The following PRKG1 variants were observed in gnomAD, a reference collection of about 807,000 sequenced individuals.
PRKG1 encodes protein kinase cGMP-dependent 1.
Under a neutral mutation model 88.1 loss-of-function variants are expected in PRKG1, and 35 were observed. That is an observed-to-expected ratio of 0.40 (90% CI 0.30 to 0.53). The LOEUF is 0.53. Ranked by LOEUF, PRKG1 falls within the 20% of genes least tolerant of loss-of-function variation. The pLI, the probability that PRKG1 is intolerant of heterozygous loss-of-function variation, is 0.59. For missense variants in PRKG1, 540 were observed against 839.8 expected, an observed-to-expected ratio of 0.64 and a Z score of 4.41; for synonymous variants, 303 against 292.5, an observed-to-expected ratio of 1.04 and a Z score of -0.37.
chr10:52,087,310 T>A (rs974133644), intron 7 of PRKG1, among the ~76,000 whole-genome samples: 6 of 152,202 alleles, frequency 3.9e-5, no homozygotes, highest in African/African-American at 1.4e-4. Context: ...AATTTAAAAA[T>A]ATATTTTGTT....
chr10:51,785,717 T>A (rs537447398), intron 3 of PRKG1, among the ~76,000 whole-genome samples: 142 of 152,220 alleles, frequency 9.3e-4, no homozygotes, highest in Non-Finnish European at 1.4e-3. Context: ...CATGATGCCA[T>A]GCTCAATACA....
chr10:51,747,542 T>G (rs1589254314), intron 3 of PRKG1, among the ~76,000 whole-genome samples: 1 of 152,198 alleles, frequency 6.6e-6, no homozygotes, highest in East Asian at 1.9e-4. Flanking sequence ...TTTGATTGTG[T>G]AGGTCTTCTA....
chr10:51,074,502 G>A lies in PRKG1; in HGVS notation c.-89G>A. 4 of 1,498,164 alleles carry A rather than the reference G, an allele frequency of 2.7e-6. No homozygotes were observed. The highest frequency in any genetic ancestry group is 1.4e-5 in the South Asian group (1 of 73,238). The allele number at this position is 1,498,164 out of a possible 1,614,324, so 92.8% of individuals were successfully genotyped here. ...AAGCTTTGGCACTCGGGAGGCAGCG[G>A]CGACTTTGGGGAAAGTTGATCGGAG... On this transcript the variant is annotated 5_prime_UTR_variant, in exon 1 of 18. Coordinates refer to ENST00000373980, the MANE Select transcript of PRKG1 (RefSeq NM_006258.4).
chr10:51,987,115 GA>G (rs1415941100), intron 5 of PRKG1, among the ~76,000 whole-genome samples: 1 of 152,034 alleles, frequency 6.6e-6, no homozygotes, highest in Admixed American at 6.6e-5. Flanking sequence ...TGTCCTATTT[GA>G]AAATTACAGA....
At chr10:51,215,396 C>CA (rs756277012) in intron 2 of PRKG1, among the ~76,000 whole-genome samples, 116 of 152,164 alleles carry the variant, frequency 7.6e-4, no homozygotes, top group Non-Finnish European at 1.3e-3. Context: ...TTGTTAGAAA[C>CA]AAAAAGGAAA....
chr10:51,902,409 C>A (rs111332741), intron 4 of PRKG1, among the ~76,000 whole-genome samples: 4,637 of 152,226 alleles, frequency 0.03, 265 homozygotes, highest in African/African-American at 0.11. Context: ...AGCCACCACA[C>A]CTGGCCTTAA....
chr10:51,727,282 A>G (rs1842156366), intron 3 of PRKG1, among the ~76,000 whole-genome samples: 2 of 146,510 alleles, frequency 1.4e-5, no homozygotes, highest in African/African-American at 5.2e-5. Context: ...TGCAAAAAAA[A>G]AAAATATATA....
At chr10:51,067,044 CT>C (rs1564586913) in intron 1 of PRKG1, among the ~76,000 whole-genome samples, 1 of 151,786 alleles carries the variant, frequency 6.6e-6, no homozygotes, top group Admixed American at 6.6e-5. Flanking sequence ...TATACAACTA[CT>C]TTTTTTTCTT....
At chr10:51,974,716 TC>T (rs1843787160) in intron 5 of PRKG1, among the ~76,000 whole-genome samples, 1 of 152,144 alleles carries the variant, frequency 6.6e-6, no homozygotes. Flanking sequence ...TTTTCTGACT[TC>T]CGCATTTGCA....
chr10:52,093,834 C>T (rs1429198331), intron 7 of PRKG1, among the ~76,000 whole-genome samples: 1 of 152,026 alleles, frequency 6.6e-6, no homozygotes, highest in African/African-American at 2.4e-5. Flanking sequence ...GGAGCTTAAC[C>T]TTCTATAGTT....
At chr10:51,287,046 T>C (rs1840459296) in intron 2 of PRKG1, among the ~76,000 whole-genome samples, 1 of 152,120 alleles carries the variant, frequency 6.6e-6, no homozygotes, top group South Asian at 2.1e-4. Flanking sequence ...CTTTGCTAAC[T>C]TTAATATTTT....
intron 3 of PRKG1, among the ~76,000 whole-genome samples, chr10:51,511,765 C>T (rs1333550321): frequency 6.6e-6 from 1 of 152,170 alleles, no homozygotes; most frequent in East Asian, 1.9e-4. Context: ...AGCCATTTGG[C>T]AGTATCTATT....
chr10:52,235,566 A>G (rs1313970306), intron 9 of PRKG1, among the ~76,000 whole-genome samples: 6 of 144,986 alleles, frequency 4.1e-5, no homozygotes, highest in Non-Finnish European at 9.1e-5. Context: ...AAAGAGACAA[A>G]GAAGGCCATT....
intron 1 of PRKG1, among the ~76,000 whole-genome samples, chr10:51,067,694 G>T (rs777534529): frequency 1.5e-4 from 23 of 152,072 alleles, no homozygotes; most frequent in African/African-American, 1.2e-4. Context: ...TAAAAAATTT[G>T]TATGTAATAC....
intron 5 of PRKG1, among the ~76,000 whole-genome samples, chr10:51,912,717 A>C (rs1189581752): frequency 6.6e-6 from 1 of 152,100 alleles, no homozygotes; most frequent in African/African-American, 2.4e-5. Context: ...GAAAATGAAA[A>C]AATTAAAATA....
chr10:51,542,801 C>T (rs1842341367), intron 3 of PRKG1, among the ~76,000 whole-genome samples: 1 of 152,196 alleles, frequency 6.6e-6, no homozygotes, highest in Admixed American at 6.5e-5. Flanking sequence ...AGACGGCCTT[C>T]TCTTTCTGTG....
intron 4 of PRKG1, among the ~76,000 whole-genome samples, chr10:51,884,884 C>T (rs1045320648): frequency 6.6e-6 from 1 of 152,194 alleles, no homozygotes; most frequent in Non-Finnish European, 1.5e-5. Context: ...GCCTCCACCT[C>T]TTCGTAGGAG....
rs142189261 is a variant in PRKG1, at chr10:51,194,570, G to T, written c.478+41240G>T. 3.8e-3 allele frequency among the ~76,000 whole-genome samples: 575 copies of T among 152,154 alleles called. 1 individual carries two copies. Among genetic ancestry groups the T allele is most frequent in the Non-Finnish European group, 5.1e-3 (349 of 67,998 alleles). On this transcript the variant is annotated intron_variant, in intron 2 of 17. Coordinates refer to ENST00000373980, the MANE Select transcript of PRKG1 (RefSeq NM_006258.4). ...TTTTAGGTAGAAATGAGTTTCAACAGTCCTAGAACTTTTTGTCTCTATCTA... is the reference window on the plus strand; with the variant it reads ...TTTTAGGTAGAAATGAGTTTCAACATTCCTAGAACTTTTTGTCTCTATCTA...
chr10:51,055,493 A>C (rs183857938), intron 1 of PRKG1, among the ~76,000 whole-genome samples: 36 of 152,194 alleles, frequency 2.4e-4, no homozygotes, highest in Non-Finnish European at 3.8e-4. Context: ...TCAATATCCA[A>C]ATGTTCATTA....
Sources: gnomAD v4.1 joint callset for allele counts (sites outside exome capture counted in the v4.1 genomes callset) on GRCh38, gnomAD v4.1.1 for gene constraint, MANE v1.5 for transcripts, NCBI Gene and HGNC (gene_info 2026-07-23, HGNC 2026-07-21) for gene names.